GRIP1: variants seen among roughly 807,000 people sequenced by gnomAD.
GRIP1 encodes glutamate receptor-interacting protein 1.
Under a neutral mutation model 129.9 loss-of-function variants are expected in GRIP1, and 45 were observed. That is an observed-to-expected ratio of 0.35 (90% CI 0.27 to 0.44). GRIP1 has a LOEUF of 0.44. Ranked by LOEUF, GRIP1 falls within the 20% of genes least tolerant of loss-of-function variation. The probability of loss-of-function intolerance (pLI) is 1.00; values close to 1 mark genes in which losing one functional copy is unlikely to be tolerated. For synonymous variants in GRIP1, 530 were observed against 520.8 expected, an observed-to-expected ratio of 1.02 and a Z score of -0.24; for missense variants, 1,196 against 1,396.8, an observed-to-expected ratio of 0.86 and a Z score of 2.29.
At chr12:66,559,587 A>T (rs2062448048) in intron 2 of GRIP1, among the ~76,000 whole-genome samples, 1 of 152,150 alleles carries the variant, frequency 6.6e-6, no homozygotes, top group African/African-American at 2.4e-5. Context: ...CAACAGCTAC[A>T]AATAAAATTA....
chr12:66,523,458 A>C (rs1430157154), intron 5 of GRIP1, among the ~76,000 whole-genome samples: 1 of 151,164 alleles, frequency 6.6e-6, no homozygotes, highest in Non-Finnish European at 1.5e-5. Flanking sequence ...GAAATAAAAT[A>C]CTTTACAGAC....
chr12:66,357,431 G>C (rs887381782), intron 23 of GRIP1, among the ~76,000 whole-genome samples: 1 of 152,160 alleles, frequency 6.6e-6, no homozygotes, highest in African/African-American at 2.4e-5. Context: ...GGGGACTGGG[G>C]GCAGGAACAG....
intron 4 of GRIP1, among the ~76,000 whole-genome samples, chr12:66,530,693 T>C (rs925914370): frequency 7.3e-5 from 11 of 151,542 alleles, no homozygotes; most frequent in African/African-American, 2.7e-4. Context: ...CAAGAACCTG[T>C]TGAGTCATTC....
chr12:66,920,499 G>A (rs1185504121), intron 1 of GRIP1, among the ~76,000 whole-genome samples: 2 of 152,186 alleles, frequency 1.3e-5, no homozygotes, highest in African/African-American at 2.4e-5. Context: ...TGTCCCAAAA[G>A]CTCAAGGAGT....
At chr12:66,378,430 TGACA>T (rs1565680740) in intron 20 of GRIP1, among the ~76,000 whole-genome samples, 1 of 130,740 alleles carries the variant, frequency 7.6e-6, no homozygotes, top group African/African-American at 3.0e-5. Context: ...CCAGCCTGGG[TGACA>T]GAGTGAGACC....
intron 1 of GRIP1, among the ~76,000 whole-genome samples, chr12:66,802,137 CT>C (rs1204065667): frequency 1.3e-5 from 2 of 152,204 alleles, no homozygotes; most frequent in Non-Finnish European, 1.5e-5. Flanking sequence ...TATGACTTAT[CT>C]TCTTTAAAAG....
intron 1 of GRIP1, among the ~76,000 whole-genome samples, chr12:66,814,688 T>C (rs1380818036): frequency 6.6e-6 from 1 of 151,450 alleles, no homozygotes; most frequent in Non-Finnish European, 1.5e-5. Context: ...ATCAATAAGG[T>C]ATATGCATTA....
intron 1 of GRIP1, among the ~76,000 whole-genome samples, chr12:66,983,779 T>TG (rs1373364233): frequency 6.6e-6 from 1 of 152,228 alleles, no homozygotes; most frequent in East Asian, 1.9e-4. Context: ...CAGGGTACTG[T>TG]GCATGAAGTG....
intron 1 of GRIP1, among the ~76,000 whole-genome samples, chr12:67,068,033 GC>G (rs1422063191): frequency 1.3e-5 from 2 of 152,164 alleles, no homozygotes; most frequent in African/African-American, 4.8e-5. Flanking sequence ...GGTGGACCTT[GC>G]CAGCCAGCGT....
chr12:66,529,943 T>C (rs370028778), intron 4 of GRIP1, 29 bp from the exon 5 acceptor site: 1 of 1,298,292 alleles, frequency 7.7e-7, no homozygotes, highest in Non-Finnish European at 1.1e-6. Context: ...GAAGGAAATA[T>C]AACTTGTAAG....
At chr12:66,696,582 C>G (rs952278045) in intron 1 of GRIP1, among the ~76,000 whole-genome samples, 3 of 151,542 alleles carry the variant, frequency 2.0e-5, no homozygotes, top group African/African-American at 7.3e-5. Flanking sequence ...GTCAGGAGAT[C>G]GAGACCATTC....
intron 1 of GRIP1, among the ~76,000 whole-genome samples, chr12:66,613,218 T>A (rs2064885459): frequency 6.6e-6 from 1 of 152,186 alleles, no homozygotes; most frequent in Non-Finnish European, 1.5e-5. Context: ...TTTATTAAAT[T>A]ACCACTTTAA....
chr12:66,888,749 A>G (rs1204329030), intron 1 of GRIP1, among the ~76,000 whole-genome samples: 1 of 152,164 alleles, frequency 6.6e-6, no homozygotes, highest in Non-Finnish European at 1.5e-5. Flanking sequence ...TCAAGTTCCT[A>G]TTTTTGCTAA....
intron 1 of GRIP1, among the ~76,000 whole-genome samples, chr12:67,053,565 C>G (rs911192352): frequency 1.3e-5 from 2 of 152,092 alleles, no homozygotes; most frequent in Non-Finnish European, 2.9e-5. Flanking sequence ...TTGGGCCGGG[C>G]GTGGTGGCTC....
At chr12:66,529,582 G>A (rs1465147702) in intron 5 of GRIP1, among the ~76,000 whole-genome samples, 1 of 152,170 alleles carries the variant, frequency 6.6e-6, no homozygotes, top group Non-Finnish European at 1.5e-5. Flanking sequence ...TAGGAGCTAA[G>A]CTATGAGAAT....
intron 1 of GRIP1, among the ~76,000 whole-genome samples, chr12:66,621,187 C>T (rs1361985917): frequency 6.6e-6 from 1 of 151,916 alleles, no homozygotes; most frequent in Non-Finnish European, 1.5e-5. Flanking sequence ...TGTTGTGCAC[C>T]CATCACCCCT....
chr12:66,750,401 A>G (rs1426182806), intron 1 of GRIP1, among the ~76,000 whole-genome samples: 1 of 152,142 alleles, frequency 6.6e-6, no homozygotes, highest in Non-Finnish European at 1.5e-5. Flanking sequence ...TAGGTAAAGC[A>G]GGGGAAGCAG....
At chr12:66,910,499 C>CT (rs1219716716) in intron 1 of GRIP1, among the ~76,000 whole-genome samples, 1 of 152,102 alleles carries the variant, frequency 6.6e-6, no homozygotes, top group Non-Finnish European at 1.5e-5. Flanking sequence ...CAGCAGAAAT[C>CT]TTTAAGCAAG....
intron 1 of GRIP1, among the ~76,000 whole-genome samples, chr12:66,813,014 C>G (rs1351330): frequency 0.72 from 108,889 of 152,082 alleles, 39,100 homozygotes; most frequent in Non-Finnish European, 0.74. Flanking sequence ...TCTCATGGAG[C>G]TATATTATAG....
Sources: allele counts gnomAD v4.1 joint callset (sites outside exome capture counted in the v4.1 genomes callset), GRCh38; gene constraint gnomAD v4.1.1; transcripts MANE v1.5; gene names NCBI Gene and HGNC (gene_info 2026-07-23, HGNC 2026-07-21).